SLC37A1: variants seen among roughly 807,000 people sequenced by gnomAD.
SLC37A1 encodes glucose-6-phosphate exchanger SLC37A1.
Under a neutral mutation model 75.3 loss-of-function variants are expected in SLC37A1, and 49 were observed. The observed-to-expected ratio is 0.65, with a 90% CI of 0.52 to 0.83. The LOEUF (loss-of-function observed/expected upper bound fraction) is 0.83. Ranked by LOEUF, SLC37A1 falls within the 40% of genes least tolerant of loss-of-function variation. The pLI is 0.00. For synonymous variants in SLC37A1, 268 were observed against 292.1 expected, an observed-to-expected ratio of 0.92 and a Z score of 0.84; for missense variants, 566 against 695.0, an observed-to-expected ratio of 0.81 and a Z score of 2.09.
Position 42,502,295 on chromosome 21 carries a change from G to C in SLC37A1, c.-300-1G>C, listed in dbSNP as rs2054348066. On this transcript the variant is annotated splice_acceptor_variant, in intron 1 of 20. Transcript: ENST00000398341. LOFTEE classifies it low-confidence loss of function (5UTR_SPLICE). Reference sequence around the variant, plus strand: ...CTCAAATTCAGCTCTTTGGATTGCAGCTTTATAGAATTGAGAGATTGCTGA... The same window carrying C: ...CTCAAATTCAGCTCTTTGGATTGCACCTTTATAGAATTGAGAGATTGCTGA... 6.6e-6 allele frequency: 1 copy of C among 152,108 alleles called. No homozygotes were observed. The highest frequency in any genetic ancestry group is 2.4e-5 in the African/African-American group (1 of 41,412). The allele number at this position is 152,108 out of a possible 1,614,324, so 9.4% of individuals were successfully genotyped here. A position where few individuals can be genotyped will look rare whatever the true frequency, so the allele number is the denominator to read the frequency against.
intron 2 of SLC37A1, among the ~76,000 whole-genome samples, chr21:42,519,394 A>G (rs911428023): frequency 6.6e-6 from 1 of 152,162 alleles, no homozygotes. Flanking sequence ...TTTTGTGATC[A>G]TTCCTGTTTC....
chr21:42,551,231 G>A (rs2055549158), intron 9 of SLC37A1, among the ~76,000 whole-genome samples: 1 of 152,220 alleles, frequency 6.6e-6, no homozygotes, highest in Admixed American at 6.5e-5. Context: ...AACAAGACCA[G>A]TATACAAAAA....
upstream of SLC37A1, chr21:42,509,803 G>A (rs1310466980): frequency 6.6e-6 from 1 of 152,156 alleles, no homozygotes; most frequent in African/African-American, 2.4e-5. This position sits in a 1 kb window ranked among gnomAD's most constrained non-coding sequence, Gnocchi z 4.2. Flanking sequence ...TCCATGTTAA[G>A]TAATCAGGTT....
Position 42,500,064 on chromosome 21 carries a change from GA to G in SLC37A1, c.-301+325del, listed in dbSNP as rs1285784081. Reference sequence around the variant, plus strand: ...TCTGAGCTCTCCTGGACAGTGTGGAGAAAAGGCCTTAAGAACTGAGGGGCTT... The same window carrying G: ...TCTGAGCTCTCCTGGACAGTGTGGAGAAAGGCCTTAAGAACTGAGGGGCTT... On this transcript the variant is annotated intron_variant, in intron 1 of 20. Coordinates refer to the SLC37A1 transcript ENST00000398341. Among the ~76,000 whole-genome samples the G allele has an allele frequency of 3.3e-5, 5 of 152,312 alleles. No individual in the cohort carries two copies. The East Asian group carries it at 9.7e-4, about 29-fold the overall frequency.
chr21:42,507,238 A>T (rs984138586), intron 2 of SLC37A1, among the ~76,000 whole-genome samples: 5 of 152,074 alleles, frequency 3.3e-5, no homozygotes, highest in African/African-American at 4.8e-5. Context: ...AAGATTTAAG[A>T]TACAAGAGTT....
intron 18 of SLC37A1, among the ~76,000 whole-genome samples, chr21:42,579,475 G>A (rs967898764): frequency 2.7e-5 from 1 of 36,626 alleles, no homozygotes; most frequent in Non-Finnish European, 8.2e-5. Context: ...CAAAAGCCTT[G>A]TTTTCAGGGC....
At chr21:42,568,716 C>A (rs1377384889) in intron 17 of SLC37A1, among the ~76,000 whole-genome samples, 6 of 152,182 alleles carry the variant, frequency 3.9e-5, no homozygotes, top group Non-Finnish European at 8.8e-5. Context: ...TAACTCAGGT[C>A]CACTCATTAT....
At chr21:42,523,185 C>T (rs1268394857) in intron 2 of SLC37A1, among the ~76,000 whole-genome samples, 1 of 148,440 alleles carries the variant, frequency 6.7e-6, no homozygotes, top group Admixed American at 6.6e-5. Flanking sequence ...GTTGGAGAAT[C>T]CTCCTGCATG....
chr21:42,572,481 C>T (rs890278762), intron 17 of SLC37A1, among the ~76,000 whole-genome samples: 2 of 151,956 alleles, frequency 1.3e-5, no homozygotes, highest in African/African-American at 4.8e-5. Context: ...CCCTTCCTGC[C>T]TGTCTCCCTG....
intron 2 of SLC37A1, chr21:42,508,719 G>A (rs1036244680): frequency 7.2e-5 from 11 of 152,194 alleles, no homozygotes; most frequent in African/African-American, 2.4e-4. Flanking sequence ...ACTTCAGTTA[G>A]AATCCAGTTT....
intron 1 of SLC37A1, among the ~76,000 whole-genome samples, chr21:42,501,186 G>C (rs2054337838): frequency 1.3e-5 from 2 of 152,240 alleles, no homozygotes. Context: ...TTGCAACAGA[G>C]CTGTGCTTTA....
intron 2 of SLC37A1, among the ~76,000 whole-genome samples, chr21:42,508,301 G>A (rs2054403730): frequency 6.6e-6 from 1 of 151,906 alleles, no homozygotes; most frequent in African/African-American, 2.4e-5. Context: ...GCTAATTTTT[G>A]TATTTTTAGT....
chr21:42,566,990 C>G lies in SLC37A1; in HGVS notation c.1276C>G (p.Leu426Val). Residue 426 changes from leucine to valine, a missense_variant, in exon 16 of 20, where the codon CTG (leucine) becomes GTG (valine). By Grantham distance (32) the Leu-to-Val change is conservative (BLOSUM62 1). Transcript: ENST00000352133. ...TGCCCCTCTGCCTCCCACAGCCATG[C>G]TGCTGCTCAGCGGAGCCCTGGTCAG... The part of the protein sequence containing the change: ...KMGLEATIAM[L>V]LLSGALVSGP... The G allele has an allele frequency of 6.2e-7, 1 of 1,607,056 alleles. No homozygotes were observed. Among genetic ancestry groups the G allele is most frequent in the Non-Finnish European group, 8.5e-7 (1 of 1,179,846 alleles).
In SLC37A1 at chr21:42,543,826, C is replaced by T. The variant is rs77438531; in HGVS notation, c.730+224C>T. On this transcript the variant is annotated intron_variant, in intron 8 of 19. Transcript: ENST00000352133. ...CTGATTCTGGAGTGACCCATGTCCCCATTCCTTCCTCCCGTCCTCCTGTCC... is the reference window on the plus strand; with the variant it reads ...CTGATTCTGGAGTGACCCATGTCCCTATTCCTTCCTCCCGTCCTCCTGTCC... Among the ~76,000 whole-genome samples the T allele has an allele frequency of 7.0e-3, 1,065 of 152,348 alleles. 7 individuals carry two copies. The highest frequency in any genetic ancestry group is 0.025 in the African/African-American group (1,028 of 41,580).
intron 17 of SLC37A1, among the ~76,000 whole-genome samples, chr21:42,574,179 T>C (rs1203740673): frequency 2.0e-5 from 3 of 152,252 alleles, no homozygotes; most frequent in African/African-American, 7.2e-5. Flanking sequence ...CCACAGTGCA[T>C]GATCAGAATC....
chr21:42,569,455 C>T (rs1476692325), intron 17 of SLC37A1, among the ~76,000 whole-genome samples: 3 of 152,168 alleles, frequency 2.0e-5, no homozygotes, highest in Admixed American at 6.5e-5. Context: ...CTGGTCACAC[C>T]CCGTGCCTGG....
Position 42,549,353 on chromosome 21 carries a change from G to GCTC in SLC37A1, c.768+2217_768+2219dup, listed in dbSNP as rs564910726. 1.2e-3 allele frequency among the ~76,000 whole-genome samples: 178 copies of GCTC among 152,266 alleles called. 3 individuals carry two copies. Among genetic ancestry groups the GCTC allele is most frequent in the Non-Finnish European group, 5.1e-4 (35 of 68,016 alleles). On this transcript the variant is annotated intron_variant, in intron 9 of 19. Transcript: ENST00000352133. ...CATCTAGGCGAGAGGCATTGCTTCTGCTCCTCGTGTGTATGAGTTTGGGGC... is the reference window on the plus strand; with the variant it reads ...CATCTAGGCGAGAGGCATTGCTTCTGCTCCTCCTCGTGTGTATGAGTTTGGGGC...
At chr21:42,538,673 A>G (rs1427110344) in intron 5 of SLC37A1, among the ~76,000 whole-genome samples, 1 of 152,242 alleles carries the variant, frequency 6.6e-6, no homozygotes, top group African/African-American at 2.4e-5. Context: ...GACATTTCCC[A>G]TAAAACAGTA....
At chr21:42,554,252 C>T (rs1477913867) in intron 10 of SLC37A1, 110 bp downstream of exon 10, 2 of 918,864 alleles carry the variant, frequency 2.2e-6, no homozygotes, top group Non-Finnish European at 3.3e-6. Context: ...TCACAAACAT[C>T]CAGGTCTTAA....
Sources: gnomAD v4.1 joint callset for allele counts (sites outside exome capture counted in the v4.1 genomes callset) on GRCh38, gnomAD v4.1.1 for gene constraint, Gnocchi (gnomAD v3.1) non-coding constraint, MANE v1.5 for transcripts, NCBI Gene and HGNC (gene_info 2026-07-23, HGNC 2026-07-21) for gene names.